The following DOK6 variants were observed in gnomAD, a reference collection of about 807,000 sequenced individuals.
DOK6 encodes downstream of tyrosine kinase 6.
DOK6 carries 22 observed loss-of-function variants against 44.0 expected under a neutral mutation model. The ratio of observed to expected loss-of-function variants is 0.50; its 90% CI spans 0.36 to 0.71. The LOEUF is 0.71. DOK6 is among the 30% of genes least tolerant of loss of function. DOK6 has a pLI of 0.00. For synonymous variants in DOK6, 166 were observed against 145.5 expected, an observed-to-expected ratio of 1.14 and a Z score of -1.01; for missense variants, 340 against 416.4, an observed-to-expected ratio of 0.82 and a Z score of 1.60.
At chr18:69,678,050 A>G (rs1006294867) in intron 4 of DOK6, among the ~76,000 whole-genome samples, 197 bp downstream of exon 4, 4 of 152,090 alleles carry the variant, frequency 2.6e-5, no homozygotes, top group African/African-American at 7.2e-5. Flanking sequence ...GGAGTTCGAG[A>G]CCAGCCTGGG....
At chr18:69,724,319 T>A (rs558599451) in intron 5 of DOK6, among the ~76,000 whole-genome samples, 6 of 152,216 alleles carry the variant, frequency 3.9e-5, no homozygotes, top group African/African-American at 1.4e-4. Flanking sequence ...TAGATATTAC[T>A]TTAGATATTG....
chr18:69,614,400 G>GAGCATTTTT (rs1984232971), intron 3 of DOK6, among the ~76,000 whole-genome samples: 1 of 152,070 alleles, frequency 6.6e-6, no homozygotes, highest in Non-Finnish European at 1.5e-5. Flanking sequence ...CAGTTTTACT[G>GAGCATTTTT]CGGCATAGTT....
intron 7 of DOK6, among the ~76,000 whole-genome samples, chr18:69,781,608 T>C (rs973370643): frequency 6.6e-6 from 1 of 152,158 alleles, no homozygotes; most frequent in African/African-American, 2.4e-5. Context: ...ATTCTAGGAG[T>C]AATTGTCTCA....
At position 69,705,761 on chromosome 18, in the gene DOK6, C is replaced by A. The variant is rs77011246; in HGVS notation, c.599+7168C>A. 3.7e-3 allele frequency among the ~76,000 whole-genome samples: 558 copies of A among 152,162 alleles called. 6 individuals are homozygous for A. The highest frequency in any genetic ancestry group is 0.013 in the African/African-American group (541 of 41,496). On this transcript the variant is annotated intron_variant, in intron 5 of 7. Transcript: ENST00000382713. ...TGCCTTTCATTTTTGCTTGAAAATT[C>A]TCAATTTCTTTCTAAGAGCCTCTTT...
intron 3 of DOK6, among the ~76,000 whole-genome samples, chr18:69,663,986 G>A (rs1195253187): frequency 2.6e-5 from 4 of 152,028 alleles, no homozygotes; most frequent in African/African-American, 4.8e-5. Context: ...TTCATAAGCC[G>A]TTAATTTTTT....
rs1184295878 is a variant in DOK6 at position 69,452,416 on chromosome 18, A to T, written c.66+51106A>T. 2.5e-5 allele frequency among the ~76,000 whole-genome samples: 3 copies of T among 118,030 alleles called. No individual in the cohort carries two copies. In the East Asian group the frequency reaches 1.0e-3, roughly 41 times the overall value. The allele number at this position is 118,030 out of a possible 152,430, so 77.4% of individuals were successfully genotyped here. A position where few individuals can be genotyped will look rare whatever the true frequency, so the allele number is the denominator to read the frequency against. ...TAACAGGAGCTGAAATTGTGGCAAT[A>T]ATCAATAGTTTACCAACCAAAGAGT... On this transcript the variant is annotated intron_variant, in intron 1 of 7. Coordinates refer to ENST00000382713, the MANE Select transcript of DOK6 (RefSeq NM_152721.6).
chr18:69,662,300 G>A (rs60145381), intron 3 of DOK6: 16,794 of 152,388 alleles, frequency 0.11, 985 homozygotes, highest in African/African-American at 0.13. Flanking sequence ...ACTCTTTATA[G>A]TCTTCTCTCT....
chr18:69,528,155 T>A (rs1981886330), intron 1 of DOK6, among the ~76,000 whole-genome samples: 2 of 127,008 alleles, frequency 1.6e-5, no homozygotes, highest in African/African-American at 2.8e-5. Context: ...AGAGCGAGAC[T>A]CTGTCTCAAA....
intron 6 of DOK6, among the ~76,000 whole-genome samples, chr18:69,757,201 G>A (rs1174829049): frequency 6.6e-6 from 1 of 152,100 alleles, no homozygotes; most frequent in East Asian, 1.9e-4. Flanking sequence ...TATAACAGGG[G>A]CAAGGAAAAA....
intron 7 of DOK6, among the ~76,000 whole-genome samples, chr18:69,792,993 A>G (rs1411274427): frequency 6.6e-6 from 1 of 152,200 alleles, no homozygotes; most frequent in African/African-American, 2.4e-5. Context: ...ATTCAAATTT[A>G]TAGCCAGTCA....
intron 1 of DOK6, among the ~76,000 whole-genome samples, chr18:69,509,647 A>AC (rs1448695993): frequency 1.4e-5 from 2 of 147,694 alleles, no homozygotes; most frequent in Admixed American, 6.7e-5. Context: ...CAAAAAAAAA[A>AC]AAAAAAAAAA....
chr18:69,676,853 T>C (rs1717384091), intron 3 of DOK6, among the ~76,000 whole-genome samples: 1 of 152,206 alleles, frequency 6.6e-6, no homozygotes, highest in South Asian at 2.1e-4. Flanking sequence ...AATTCACTTA[T>C]GTTTATGAAA....
intron 1 of DOK6, among the ~76,000 whole-genome samples, chr18:69,432,348 G>C (rs1978829753): frequency 6.6e-6 from 1 of 152,192 alleles, no homozygotes. Context: ...GGATGCTGAG[G>C]TGGGAGGATT....
Position 69,738,987 on chromosome 18 carries a change from C to A in DOK6, c.622C>A (p.Leu208Ile). ...SGRMCDTGEG[L>I]FTFQTREGEM... is the part of the protein sequence containing the mutation. ...CAGAATGTGTGACACAGGAGAAGGACTATTCACTTTTCAAACAAGGGAAGG... is the reference window on the plus strand; with the variant it reads ...CAGAATGTGTGACACAGGAGAAGGAATATTCACTTTTCAAACAAGGGAAGG... The change falls in exon 6 of 8, where the codon CTA becomes ATA. Residue 208 changes from leucine (L) to isoleucine (I), a missense_variant. By Grantham distance (5) the Leu-to-Ile change is conservative. This residue lies in a region of DOK6 where 206 missense variants were observed against 258.6 expected (regional missense o/e 0.80). Coordinates refer to ENST00000382713, the MANE Select transcript of DOK6 (RefSeq NM_152721.6). 6.2e-7 allele frequency: 1 copy of A among 1,614,036 alleles called. No individual in the cohort carries two copies. The highest frequency in any genetic ancestry group is 8.5e-7 in the Non-Finnish European group (1 of 1,179,922).
At chr18:69,729,615 G>T (rs892698774) in intron 5 of DOK6, among the ~76,000 whole-genome samples, 1 of 152,022 alleles carries the variant, frequency 6.6e-6, no homozygotes, top group Non-Finnish European at 1.5e-5. Context: ...ATGAGGATTC[G>T]GAGCAACTCT....
At chr18:69,497,932 G>A (rs923595233) in intron 1 of DOK6, among the ~76,000 whole-genome samples, 1 of 152,028 alleles carries the variant, frequency 6.6e-6, no homozygotes, top group Non-Finnish European at 1.5e-5. Flanking sequence ...TGAGGCTGCA[G>A]TGAGCTATGA....
chr18:69,627,853 T>A (rs189974307), intron 3 of DOK6, among the ~76,000 whole-genome samples: 82 of 152,324 alleles, frequency 5.4e-4, no homozygotes, highest in Admixed American at 2.9e-3. Context: ...GGAATCTTAA[T>A]AACTTAATGA....
At chr18:69,738,529 T>C (rs1374320270) in intron 5 of DOK6, among the ~76,000 whole-genome samples, 1 of 152,214 alleles carries the variant, frequency 6.6e-6, no homozygotes, top group Non-Finnish European at 1.5e-5. Context: ...GAATTTGCAT[T>C]CTGATTTTTC....
chr18:69,679,257 A>C (rs1240013786), intron 4 of DOK6, among the ~76,000 whole-genome samples: 3 of 152,256 alleles, frequency 2.0e-5, no homozygotes, highest in Non-Finnish European at 2.9e-5. Flanking sequence ...ACATGATAGC[A>C]CATGATGATT....
Sources: gnomAD v4.1 joint callset for allele counts (sites outside exome capture counted in the v4.1 genomes callset) on GRCh38, gnomAD v4.1.1 for gene constraint, gnomAD v4.1.1 regional missense constraint, MANE v1.5 for transcripts, NCBI Gene and HGNC (gene_info 2026-07-23, HGNC 2026-07-21) for gene names.